The following DRAXIN variants were observed in gnomAD, a reference collection of about 807,000 sequenced individuals.
DRAXIN encodes the protein dorsal inhibitory axon guidance protein.
In DRAXIN, 27 loss-of-function variants were observed where a neutral mutation model predicts 33.9. The observed-to-expected ratio is 0.80, with a 90% CI of 0.59 to 1.10. The LOEUF is 1.10. DRAXIN is among the 50% of genes least tolerant of loss of function. The pLI is 0.00. For missense variants in DRAXIN, 371 were observed against 460.8 expected (o/e 0.81, Z 1.78); for synonymous variants, 178 against 194.0 (o/e 0.92, Z 0.69).
At position 11,692,276 on chromosome 1, in the gene DRAXIN, G is replaced by T. The variant is rs1011743592; in HGVS notation, c.-11+423G>T. Among the ~76,000 whole-genome samples, 3 of 152,140 alleles carry T rather than the reference G, an allele frequency of 2.0e-5. No individual in the cohort carries two copies. Among genetic ancestry groups the T allele is most frequent in the Non-Finnish European group, 2.9e-5 (2 of 68,020 alleles). On this transcript the variant is annotated intron_variant, in intron 1 of 6. Coordinates refer to ENST00000294485, the MANE Select transcript of DRAXIN (RefSeq NM_198545.4). This position sits in a 1 kb window ranked among gnomAD's most constrained non-coding sequence, Gnocchi z 5.8. ...CTCCGGGTGGTCTCTCAGGCAGGGG[G>T]CCCCAGTCCGCCACCGTTGGAAGAA... is the stretch of plus-strand genomic sequence containing the variant.
intron 1 of DRAXIN, among the ~76,000 whole-genome samples, chr1:11,700,289 A>G (rs1641252415): frequency 1.3e-5 from 2 of 152,254 alleles, no homozygotes; most frequent in Non-Finnish European, 2.9e-5. Flanking sequence ...GCTGTTCTCC[A>G]TGATAGAAAA....
In DRAXIN at chr1:11,699,926, C is replaced by CAATAAATAAATAAATAAATA. The variant is rs60342076; in HGVS notation, c.-10-6316_-10-6297dup. Among the ~76,000 whole-genome samples, 613 of 142,704 alleles carry CAATAAATAAATAAATAAATA rather than the reference C, an allele frequency of 4.3e-3. 17 individuals are homozygous for CAATAAATAAATAAATAAATA. The highest frequency in any genetic ancestry group is 0.039 in the Admixed American group (547 of 13,890). The allele number at this position is 142,704 out of a possible 152,430, so 93.6% of individuals were successfully genotyped here. A position where few individuals can be genotyped will look rare whatever the true frequency, so the allele number is the denominator to read the frequency against. On this transcript the variant is annotated intron_variant, in intron 1 of 6. Transcript: ENST00000294485. Reference sequence around the variant, plus strand: ...CGGGTGACACAGCGAGACTCACTCTCAATAAATAAATAAATAAATAAATAA... The same window carrying CAATAAATAAATAAATAAATA: ...CGGGTGACACAGCGAGACTCACTCTCAATAAATAAATAAATAAATAAATAAATAAATAAATAAATAAATAA...
At chr1:11,686,795 C>T (rs1640964121), upstream of DRAXIN, among the ~76,000 whole-genome samples, 1 of 122,092 alleles carries the variant, frequency 8.2e-6, no homozygotes, top group Non-Finnish European at 1.6e-5. Flanking sequence ...TGATCCAGCT[C>T]AACTGCCACT....
intron 6 of DRAXIN, among the ~76,000 whole-genome samples, chr1:11,719,276 T>C (rs977638306): frequency 2.0e-5 from 3 of 152,220 alleles, no homozygotes; most frequent in Non-Finnish European, 4.4e-5. Flanking sequence ...CAACGTAAGT[T>C]ATAGTTCACT....
intron 6 of DRAXIN, 36 bp downstream of exon 6, chr1:11,715,244 C>A: frequency 6.2e-7 from 1 of 1,612,234 alleles, no homozygotes; most frequent in Non-Finnish European, 8.5e-7. Flanking sequence ...GCTACCCATG[C>A]TCTGAGAACC....
chr1:11,711,716 T>C, intron 3 of DRAXIN, 135 bp from the exon 4 acceptor site: 1 of 748,456 alleles, frequency 1.3e-6, no homozygotes, highest in Non-Finnish European at 2.2e-6. Flanking sequence ...GTCCTTGGGC[T>C]GAGACTCCAG....
chr1:11,719,537 G>A (rs1205281189), intron 6 of DRAXIN, 47 bp from the exon 7 acceptor site: 1 of 1,516,078 alleles, frequency 6.6e-7, no homozygotes, highest in Non-Finnish European at 9.0e-7. Flanking sequence ...GAAGGGGAGG[G>A]CACGGGCCCT....
chr1:11,715,063 G>A, intron 5 of DRAXIN, 56 bp from the exon 6 acceptor site: 1 of 1,593,306 alleles, frequency 6.3e-7, no homozygotes, highest in Non-Finnish European at 8.6e-7. Flanking sequence ...CGAGTGCAGG[G>A]CTGCGGGGAG....
Position 11,706,979 on chromosome 1 carries a change from C to T in DRAXIN, c.451+270C>T, listed in dbSNP as rs12144700. ...TTGTAATCCCAGCACTTTGGGAGGCCGAGGCGGGCGGATCATGAGATCAGG... is the reference window on the plus strand; with the variant it reads ...TTGTAATCCCAGCACTTTGGGAGGCTGAGGCGGGCGGATCATGAGATCAGG... On this transcript the variant is annotated intron_variant, in intron 2 of 6. Transcript: ENST00000294485. The surrounding 1 kb of genome is among the most constrained non-coding windows in gnomAD (Gnocchi z 5.5). Among the ~76,000 whole-genome samples the T allele has an allele frequency of 0.33, 50,595 of 151,904 alleles. 8,903 individuals are homozygous for T. The highest frequency in any genetic ancestry group is 0.48 in the East Asian group (2,446 of 5,140).
At chr1:11,716,884 G>T (rs1222473083) in intron 6 of DRAXIN, among the ~76,000 whole-genome samples, 1 of 152,170 alleles carries the variant, frequency 6.6e-6, no homozygotes, top group African/African-American at 2.4e-5. Flanking sequence ...CTGGACACTG[G>T]GGGGTTCAGT....
Position 11,706,623 on chromosome 1 carries a change from A to G in DRAXIN, c.365A>G (p.Lys122Arg). Residue 122 changes from lysine (K) to arginine (R), a missense_variant, in exon 2 of 7, where the codon AAG (lysine) becomes AGG (arginine). Transcript: ENST00000294485. The surrounding 1 kb of genome is among the most constrained non-coding windows in gnomAD (Gnocchi z 5.5). ...GGACTGGCATTGCCCTACCCCGAGAAGGAGAACCGACCTCCAGGTTGGGAG... is the reference window on the plus strand; with the variant it reads ...GGACTGGCATTGCCCTACCCCGAGAGGGAGAACCGACCTCCAGGTTGGGAG... The part of the protein sequence containing the change: ...LLGLALPYPE[K>R]ENRPPGWERT... 8 of 1,601,274 alleles carry G rather than the reference A, an allele frequency of 5.0e-6. No homozygotes were observed. The highest frequency in any genetic ancestry group is 5.9e-6 in the Non-Finnish European group (7 of 1,179,594).
rs751231246 is a variant in DRAXIN at position 11,709,339 on chromosome 1, G to T, written c.516G>T (p.Val172=). 5 of 1,613,972 alleles carry T rather than the reference G, an allele frequency of 3.1e-6. No individual in the cohort carries two copies. The South Asian group carries it at 3.3e-5, about 11-fold the overall frequency. The change falls in exon 3 of 7, where the codon GTG becomes GTT. Residue 172 remains valine, a synonymous_variant. Coordinates refer to ENST00000294485, the MANE Select transcript of DRAXIN (RefSeq NM_198545.4). Reference sequence around the variant, plus strand: ...AGGCAGAGCTCTCCGAAGCCCAGGTGCTGGATGCAGCCATGGAGGAATCCT... The same window carrying T: ...AGGCAGAGCTCTCCGAAGCCCAGGTTCTGGATGCAGCCATGGAGGAATCCT... ...MKKAELSEAQ[V]LDAAMEESST...
At chr1:11,690,264 G>A (rs9430207), upstream of DRAXIN, among the ~76,000 whole-genome samples, 29,037 of 151,978 alleles carry the variant, frequency 0.19, 4,868 homozygotes, top group African/African-American at 0.46. The surrounding 1 kb of genome is among the most constrained non-coding windows in gnomAD (Gnocchi z 4.2). Flanking sequence ...CATAGTAGGT[G>A]TTCAATAGGT....
At chr1:11,700,008 G>T (rs976201779) in intron 1 of DRAXIN, among the ~76,000 whole-genome samples, 1 of 151,744 alleles carries the variant, frequency 6.6e-6, no homozygotes, top group Admixed American at 6.6e-5. Flanking sequence ...GGAGGCCAAG[G>T]TGGGTGGATC....
In DRAXIN at chr1:11,706,160, G is replaced by C. The variant is rs1410947357; in HGVS notation, c.-10-89G>C. ...GGGAGCAAAATGTCCCTCTATGGCT[G>C]TTGAGAAAAACTGGGCTTTAATCAT... On this transcript the variant is annotated intron_variant, in intron 1 of 6. Transcript: ENST00000294485. The surrounding 1 kb of genome is among the most constrained non-coding windows in gnomAD (Gnocchi z 5.5). 3.1e-6 allele frequency: 4 copies of C among 1,274,054 alleles called. No homozygotes were observed. In the East Asian group the frequency reaches 1.0e-4, roughly 33 times the overall value. 78.9% of individuals were successfully genotyped at this position (1,274,054 alleles called of 1,614,324 possible). A position where few individuals can be genotyped will look rare whatever the true frequency, so the allele number is the denominator to read the frequency against.
At position 11,723,364 on chromosome 1, in the gene DRAXIN, G is replaced by A. The variant is rs2100748021; in HGVS notation, c.*3668G>A. Reference sequence around the variant, plus strand: ...TGTTTTGTTTGGTCTGGGCTTCATAGTTTTTCTCCCAGGTAACTTCAGGTG... The same window carrying A: ...TGTTTTGTTTGGTCTGGGCTTCATAATTTTTCTCCCAGGTAACTTCAGGTG... On this transcript the variant is annotated 3_prime_UTR_variant, in exon 7 of 7. Transcript: ENST00000294485. 6.6e-6 allele frequency: 1 copy of A among 152,270 alleles called. No individual in the cohort carries two copies. Among genetic ancestry groups the A allele is most frequent in the South Asian group, 2.1e-4 (1 of 4,824 alleles). The allele number at this position is 152,270 out of a possible 1,614,324, so 9.4% of individuals were successfully genotyped here.
At chr1:11,716,021 C>T (rs910700012) in intron 6 of DRAXIN, among the ~76,000 whole-genome samples, 2 of 152,184 alleles carry the variant, frequency 1.3e-5, no homozygotes, top group African/African-American at 4.8e-5. Context: ...AGGCGCATGC[C>T]ACCAGCCCAG....
intron 1 of DRAXIN, among the ~76,000 whole-genome samples, chr1:11,698,853 TACAA>T (rs1641230646): frequency 6.6e-6 from 1 of 152,180 alleles, no homozygotes; most frequent in Non-Finnish European, 1.5e-5. Flanking sequence ...AGACTCTGTC[TACAA>T]ACAAACAAAA....
chr1:11,693,758 G>T (rs903671278), intron 1 of DRAXIN, among the ~76,000 whole-genome samples: 19 of 152,236 alleles, frequency 1.2e-4, no homozygotes, highest in African/African-American at 4.6e-4. Flanking sequence ...TCAGAGGCTT[G>T]GGAACCTTGC....
Sources: allele counts gnomAD v4.1 joint callset (sites outside exome capture counted in the v4.1 genomes callset), GRCh38; gene constraint gnomAD v4.1.1; non-coding constraint Gnocchi (gnomAD v3.1); transcripts MANE v1.5; gene names NCBI Gene and HGNC (gene_info 2026-07-23, HGNC 2026-07-21).